Variants in PPFIA2 observed in about 807,000 individuals in gnomAD.
PPFIA2 encodes PPFI scaffold protein A2.
Under a neutral mutation model 175.5 loss-of-function variants are expected in PPFIA2, and 46 were observed. The observed-to-expected ratio is 0.26, with a 90% CI of 0.21 to 0.34. The LOEUF is 0.34. PPFIA2 is among the 10% of genes least tolerant of loss of function. PPFIA2 has a pLI of 1.00. For missense variants in PPFIA2, 1,179 were observed against 1,506.1 expected (o/e 0.78, Z 3.60); for synonymous variants, 568 against 511.4 (o/e 1.11, Z -1.49).
chr12:81,739,902 C>A (rs1042506270), intron 3 of PPFIA2, among the ~76,000 whole-genome samples: 7 of 151,948 alleles, frequency 4.6e-5, no homozygotes, highest in African/African-American at 1.7e-4. Flanking sequence ...AAAACAGAAA[C>A]CTTCTTCTGG....
chr12:81,533,789 G>C (rs2064991812), intron 4 of PPFIA2, among the ~76,000 whole-genome samples: 1 of 150,264 alleles, frequency 6.7e-6, no homozygotes, highest in Non-Finnish European at 1.5e-5. Context: ...ATACAAATGT[G>C]TGTATATATA....
rs528924442 is a variant in PPFIA2 at position 81,290,616 on chromosome 12, A to G, written c.2925+4219T>C. On this transcript the variant is annotated intron_variant, in intron 24 of 32. Transcript: ENST00000549396. ...AAGATAAGTTGGGAAGGTTATGAAT[A>G]GAAAATTAATATAAATACCAGATTA... Among the ~76,000 whole-genome samples the G allele has an allele frequency of 2.0e-5, 3 of 151,998 alleles. No homozygotes were observed. The East Asian group carries it at 5.8e-4, about 29-fold the overall frequency.
chr12:81,730,308 T>C (rs1288243124), intron 3 of PPFIA2, among the ~76,000 whole-genome samples: 1 of 151,614 alleles, frequency 6.6e-6, no homozygotes, highest in Admixed American at 6.6e-5. Flanking sequence ...TATGAAGAAA[T>C]ATCTGAATCT....
In PPFIA2 at chr12:81,598,761, G is replaced by A. The variant is rs183933590; in HGVS notation, c.303+78030C>T. Among the ~76,000 whole-genome samples the A allele has an allele frequency of 2.6e-3, 398 of 151,744 alleles. 4 individuals are homozygous for A. In the South Asian group the frequency reaches 0.029, roughly 11 times the overall value. The stretch of plus-strand genomic sequence containing the variant: ...TTCAGTAAGACTGTATATACTAGGA[G>A]TACTATCAAATAAAATGTACCAAAT... On this transcript the variant is annotated intron_variant, in intron 4 of 32. Transcript: ENST00000549396.
At chr12:81,446,034 G>C (rs2051183700) in intron 5 of PPFIA2, among the ~76,000 whole-genome samples, 1 of 152,160 alleles carries the variant, frequency 6.6e-6, no homozygotes, top group African/African-American at 2.4e-5. Context: ...AAATATGTAT[G>C]ATAATGATGA....
At chr12:81,695,706 C>A (rs771159705) in intron 3 of PPFIA2, among the ~76,000 whole-genome samples, 2 of 152,148 alleles carry the variant, frequency 1.3e-5, no homozygotes, top group Non-Finnish European at 2.9e-5. Context: ...CAGCCTTACT[C>A]TGTTCAGAAA....
intron 3 of PPFIA2, among the ~76,000 whole-genome samples, chr12:81,704,247 T>C (rs2076838057): frequency 6.6e-6 from 1 of 152,144 alleles, no homozygotes; most frequent in Non-Finnish European, 1.5e-5. Context: ...TGTTGTGTAG[T>C]AGAGTTTCAA....
At chr12:81,420,856 C>G (rs1825949312) in intron 7 of PPFIA2, among the ~76,000 whole-genome samples, 1 of 151,828 alleles carries the variant, frequency 6.6e-6, no homozygotes, top group African/African-American at 2.4e-5. Flanking sequence ...CAAAACACTG[C>G]ACCGAGACAA....
intron 22 of PPFIA2, among the ~76,000 whole-genome samples, chr12:81,322,277 G>A (rs1216093673): frequency 6.6e-6 from 1 of 152,112 alleles, no homozygotes. Flanking sequence ...TTTCAGGTCT[G>A]GTTGTTCTAA....
intron 4 of PPFIA2, among the ~76,000 whole-genome samples, chr12:81,665,242 C>A (rs117511713): frequency 0.012 from 1,864 of 152,038 alleles, 19 homozygotes; most frequent in Non-Finnish European, 0.02. Flanking sequence ...CTTTTTCTAA[C>A]CCAGAGTTGT....
intron 4 of PPFIA2, among the ~76,000 whole-genome samples, chr12:81,460,187 G>C (rs1443711995): frequency 6.6e-6 from 1 of 152,062 alleles, no homozygotes; most frequent in African/African-American, 2.4e-5. Context: ...GGAACAGGTG[G>C]AGATAATTGA....
intron 21 of PPFIA2, among the ~76,000 whole-genome samples, chr12:81,337,461 A>T (rs1305542497): frequency 6.6e-6 from 1 of 152,154 alleles, no homozygotes; most frequent in Admixed American, 6.6e-5. Flanking sequence ...GACCTAAAAC[A>T]CACAGTCAGT....
intron 22 of PPFIA2, among the ~76,000 whole-genome samples, chr12:81,317,025 T>C (rs1471752104): frequency 6.6e-6 from 1 of 151,574 alleles, no homozygotes; most frequent in South Asian, 2.1e-4. Flanking sequence ...GTGAAAAATA[T>C]TAGAGATAAC....
intron 7 of PPFIA2, among the ~76,000 whole-genome samples, chr12:81,416,667 A>T (rs916281811): frequency 1.3e-5 from 2 of 151,724 alleles, no homozygotes; most frequent in Non-Finnish European, 3.0e-5. Flanking sequence ...ATCTTGATTC[A>T]TACTGGTTCC....
intron 4 of PPFIA2, among the ~76,000 whole-genome samples, chr12:81,552,298 T>C (rs939155421): frequency 6.6e-6 from 1 of 151,878 alleles, no homozygotes; most frequent in African/African-American, 2.4e-5. Flanking sequence ...AACCTTCTGG[T>C]TAAGTAAATT....
At chr12:81,482,583 T>C (rs145109393) in intron 4 of PPFIA2, among the ~76,000 whole-genome samples, 1,958 of 152,254 alleles carry the variant, frequency 0.013, 40 homozygotes, top group African/African-American at 0.044. Flanking sequence ...TCATGTCCTT[T>C]GCAGGGACAT....
chr12:81,457,441 C>G (rs1028909952), intron 5 of PPFIA2, among the ~76,000 whole-genome samples: 2 of 152,026 alleles, frequency 1.3e-5, no homozygotes, highest in South Asian at 2.1e-4. Flanking sequence ...TACCCTACCC[C>G]CAAAACAACC....
At chr12:81,616,761 C>T (rs1291334273) in intron 4 of PPFIA2, among the ~76,000 whole-genome samples, 1 of 152,100 alleles carries the variant, frequency 6.6e-6, no homozygotes, top group Non-Finnish European at 1.5e-5. Context: ...TTCAGAAATT[C>T]TTATTACAAA....
chr12:81,716,771 T>C, intron 3 of PPFIA2, among the ~76,000 whole-genome samples: 1 of 151,792 alleles, frequency 6.6e-6, no homozygotes, highest in East Asian at 1.9e-4. Context: ...TTATTACTTC[T>C]GTTAGCAGAT....
Sources: gnomAD v4.1 joint callset for allele counts (sites outside exome capture counted in the v4.1 genomes callset) on GRCh38, gnomAD v4.1.1 for gene constraint, MANE v1.5 for transcripts, NCBI Gene and HGNC (gene_info 2026-07-23, HGNC 2026-07-21) for gene names.